Variants in LRRTM4 observed in about 807,000 individuals in gnomAD.
The protein encoded by LRRTM4 is leucine-rich repeat transmembrane neuronal protein 4.
LRRTM4 carries 25 observed loss-of-function variants against 47.6 expected under a neutral mutation model. The ratio of observed to expected loss-of-function variants is 0.53; its 90% CI spans 0.38 to 0.73. The LOEUF is 0.73. Among genes scored for constraint, LRRTM4 ranks in the 30% least tolerant of loss-of-function variants. LRRTM4 has a pLI of 0.00. For synonymous variants in LRRTM4, 311 were observed against 269.5 expected, an observed-to-expected ratio of 1.15 and a Z score of -1.51; for missense variants, 638 against 713.4, an observed-to-expected ratio of 0.89 and a Z score of 1.20.
At chr2:77,513,064 A>G (rs979361857) in intron 3 of LRRTM4, among the ~76,000 whole-genome samples, 2 of 152,206 alleles carry the variant, frequency 1.3e-5, no homozygotes, top group African/African-American at 4.8e-5. Flanking sequence ...TTTTTTAAAA[A>G]GCAGACATAG....
At chr2:77,222,047 GA>G (rs1358009856) in intron 3 of LRRTM4, among the ~76,000 whole-genome samples, 1 of 152,162 alleles carries the variant, frequency 6.6e-6, no homozygotes, top group Non-Finnish European at 1.5e-5. Context: ...TCAGGATTAA[GA>G]AACTCACTCA....
At chr2:77,172,700 ACT>A (rs139844301) in intron 3 of LRRTM4, among the ~76,000 whole-genome samples, 7,673 of 152,266 alleles carry the variant, frequency 0.05, 636 homozygotes, top group African/African-American at 0.17. Flanking sequence ...AAATATGCTT[ACT>A]CTCTCCCAAA....
chr2:77,155,573 A>G (rs991101123), intron 3 of LRRTM4, among the ~76,000 whole-genome samples: 2 of 151,690 alleles, frequency 1.3e-5, no homozygotes, highest in Non-Finnish European at 2.9e-5. Context: ...ATATATATAT[A>G]TCTTTTAACA....
At chr2:76,968,493 T>A (rs1452213777) in intron 3 of LRRTM4, among the ~76,000 whole-genome samples, 1 of 150,694 alleles carries the variant, frequency 6.6e-6, no homozygotes, top group Non-Finnish European at 1.5e-5. Flanking sequence ...TCTACCTATC[T>A]ATTTGTATTC....
At chr2:77,487,485 A>C (rs2104034026) in intron 3 of LRRTM4, among the ~76,000 whole-genome samples, 1 of 152,208 alleles carries the variant, frequency 6.6e-6, no homozygotes, top group African/African-American at 2.4e-5. Context: ...TTGGATTCCC[A>C]CGAACGCAGG....
At chr2:77,020,823 A>C (rs762406311) in intron 3 of LRRTM4, among the ~76,000 whole-genome samples, 2 of 152,204 alleles carry the variant, frequency 1.3e-5, no homozygotes, top group Non-Finnish European at 2.9e-5. Context: ...TTCCATGTCC[A>C]AGGAACAGAA....
At chr2:77,289,304 G>C (rs1328477474) in intron 3 of LRRTM4, among the ~76,000 whole-genome samples, 1 of 151,906 alleles carries the variant, frequency 6.6e-6, no homozygotes, top group Non-Finnish European at 1.5e-5. Flanking sequence ...AGGAAAATTT[G>C]AAAGGTAATG....
intron 3 of LRRTM4, among the ~76,000 whole-genome samples, chr2:77,338,156 A>G (rs1435467979): frequency 6.6e-6 from 1 of 152,132 alleles, no homozygotes; most frequent in Non-Finnish European, 1.5e-5. Flanking sequence ...CAACCTAGGC[A>G]ACACCATTCT....
intron 3 of LRRTM4, among the ~76,000 whole-genome samples, chr2:76,791,556 G>A (rs181011472): frequency 5.3e-5 from 8 of 152,206 alleles, no homozygotes; most frequent in Admixed American, 1.3e-4. Context: ...ATAAATATTC[G>A]GAGAGCAATA....
chr2:77,237,826 C>T (rs1675146371), intron 3 of LRRTM4, among the ~76,000 whole-genome samples: 1 of 152,030 alleles, frequency 6.6e-6, no homozygotes, highest in East Asian at 1.9e-4. Context: ...GATAGCAAAC[C>T]CTGTTGCCTC....
At chr2:77,348,846 T>C (rs1671660724) in intron 3 of LRRTM4, among the ~76,000 whole-genome samples, 1 of 151,012 alleles carries the variant, frequency 6.6e-6, no homozygotes, top group Admixed American at 6.6e-5. Flanking sequence ...AGTGGTTAGA[T>C]ATAAAAAAAA....
rs545861162 is a variant in LRRTM4 at position 76,794,983 on chromosome 2, C to G, written c.1552-46067G>C. Among the ~76,000 whole-genome samples, 23 of 152,178 alleles carry G rather than the reference C, an allele frequency of 1.5e-4. No individual in the cohort carries two copies. The East Asian group carries it at 4.3e-3, about 28-fold the overall frequency. Reference sequence around the variant, plus strand: ...TATCTTAATCTAAGGGTGGCTGTAACTTCACTAAAAGCTATAAAGAAAAAT... The same window carrying G: ...TATCTTAATCTAAGGGTGGCTGTAAGTTCACTAAAAGCTATAAAGAAAAAT... On this transcript the variant is annotated intron_variant, in intron 3 of 3. Coordinates refer to ENST00000409884, the MANE Select transcript of LRRTM4 (RefSeq NM_001134745.3).
At chr2:77,127,477 G>A (rs1671678267) in intron 3 of LRRTM4, among the ~76,000 whole-genome samples, 1 of 152,112 alleles carries the variant, frequency 6.6e-6, no homozygotes, top group African/African-American at 2.4e-5. Flanking sequence ...CACACTATCT[G>A]TAGGTTCCTT....
intron 3 of LRRTM4, among the ~76,000 whole-genome samples, chr2:77,014,328 T>A (rs1246868449): frequency 6.6e-6 from 1 of 152,072 alleles, no homozygotes; most frequent in Non-Finnish European, 1.5e-5. Context: ...CATTGTAAAT[T>A]AAATATTAAT....
chr2:77,340,698 T>A (rs1343734016), intron 3 of LRRTM4, among the ~76,000 whole-genome samples: 1 of 151,934 alleles, frequency 6.6e-6, no homozygotes, highest in African/African-American at 2.4e-5. Context: ...ATTCTCTTGA[T>A]TTATCATTTA....
chr2:77,430,752 T>C (rs1316035670), intron 3 of LRRTM4, among the ~76,000 whole-genome samples: 2 of 146,584 alleles, frequency 1.4e-5, no homozygotes, highest in South Asian at 2.1e-4. Context: ...GAAAAGGAAC[T>C]GGATTAAGAG....
chr2:77,128,098 G>C (rs192147303), intron 3 of LRRTM4, among the ~76,000 whole-genome samples: 1 of 151,172 alleles, frequency 6.6e-6, no homozygotes, highest in South Asian at 2.1e-4. Context: ...AGCCAAGATC[G>C]CGCCACTGCA....
chr2:77,434,293 G>GCTGCAA (rs1675503453), intron 3 of LRRTM4, among the ~76,000 whole-genome samples: 1 of 151,766 alleles, frequency 6.6e-6, no homozygotes, highest in Non-Finnish European at 1.5e-5. Flanking sequence ...GGCTCTTACT[G>GCTGCAA]AATAGGAACC....
intron 3 of LRRTM4, among the ~76,000 whole-genome samples, chr2:77,326,789 T>G (rs1670793360): frequency 6.6e-6 from 1 of 152,178 alleles, no homozygotes; most frequent in South Asian, 2.1e-4. Flanking sequence ...TTCCAGCCAA[T>G]GAATGGAAAG....
Sources: gnomAD v4.1 joint callset for allele counts (sites outside exome capture counted in the v4.1 genomes callset) on GRCh38, gnomAD v4.1.1 for gene constraint, MANE v1.5 for transcripts, NCBI Gene and HGNC (gene_info 2026-07-23, HGNC 2026-07-21) for gene names.